Variants in CNTN5 observed in about 807,000 individuals in gnomAD.
The protein encoded by CNTN5 is contactin 5.
CNTN5 carries 77 observed loss-of-function variants against 129.1 expected under a neutral mutation model. The ratio of observed to expected loss-of-function variants is 0.60; its 90% confidence interval spans 0.50 to 0.72. The LOEUF is 0.72. CNTN5 is among the 30% of genes least tolerant of loss of function. The pLI is 0.00. For missense variants in CNTN5, 1,478 were observed against 1,328.8 expected, an observed-to-expected ratio of 1.11 and a Z score of -1.75; for synonymous variants, 509 against 465.6, an observed-to-expected ratio of 1.09 and a Z score of -1.20.
At chr11:100,281,994 CTA>C (rs1483402158) in intron 18 of CNTN5, among the ~76,000 whole-genome samples, 1 of 95,528 alleles carries the variant, frequency 1.0e-5, no homozygotes, top group African/African-American at 4.0e-5. Context: ...TCTTGGCATT[CTA>C]TTTTTTTTTT....
At chr11:100,170,256 G>A (rs190200948) in intron 13 of CNTN5, among the ~76,000 whole-genome samples, 62 of 152,070 alleles carry the variant, frequency 4.1e-4, no homozygotes, top group African/African-American at 1.5e-3. Flanking sequence ...CCAAAAGCTT[G>A]TGACAGTCTG....
chr11:99,312,286 G>C (rs1220216815), intron 1 of CNTN5, among the ~76,000 whole-genome samples: 1 of 151,914 alleles, frequency 6.6e-6, no homozygotes, highest in East Asian at 1.9e-4. Flanking sequence ...TGAAACACCG[G>C]GGTTAAAGAC....
chr11:99,867,652 C>T (rs1477723062), intron 6 of CNTN5, among the ~76,000 whole-genome samples: 2 of 152,114 alleles, frequency 1.3e-5, no homozygotes, highest in Admixed American at 1.3e-4. Flanking sequence ...GACTCTTCTG[C>T]CTCCCCCTTC....
chr11:99,106,715 A>G (rs186113280), intron 1 of CNTN5, among the ~76,000 whole-genome samples: 50 of 152,180 alleles, frequency 3.3e-4, no homozygotes, highest in African/African-American at 1.2e-3. Flanking sequence ...GTAATGTCTT[A>G]TATTGTTGAA....
chr11:99,153,258 T>G (rs1467262778), intron 1 of CNTN5, among the ~76,000 whole-genome samples: 1 of 152,286 alleles, frequency 6.6e-6, no homozygotes, highest in South Asian at 2.1e-4. Flanking sequence ...GTTGCTTTCT[T>G]TCTTCTTTCA....
In CNTN5 at chr11:99,592,576, C is replaced by T. The variant is rs371537876; in HGVS notation, c.55+36307C>T. ...GAAACAGAGGTCAAGAACTGGACAT[C>T]ATGAGTAGAGAAAATTCCCCTTAAA... On this transcript the variant is annotated intron_variant, in intron 3 of 24. Transcript: ENST00000524871. 5.9e-4 allele frequency among the ~76,000 whole-genome samples: 89 copies of T among 151,688 alleles called. 4 individuals are homozygous for T. The South Asian group carries it at 0.018, about 31-fold the overall frequency.
intron 6 of CNTN5, among the ~76,000 whole-genome samples, chr11:99,856,247 C>G (rs1302052924): frequency 2.0e-5 from 3 of 152,176 alleles, no homozygotes; most frequent in African/African-American, 4.8e-5. Flanking sequence ...TAAATTCTAA[C>G]AAGTCATCTT....
intron 9 of CNTN5, among the ~76,000 whole-genome samples, chr11:100,003,637 G>T (rs1387908724): frequency 6.6e-6 from 1 of 152,164 alleles, no homozygotes; most frequent in Non-Finnish European, 1.5e-5. Context: ...TAAGTTAGAT[G>T]TGGTTGCCTT....
intron 1 of CNTN5, among the ~76,000 whole-genome samples, chr11:99,264,793 A>G (rs1302829894): frequency 6.6e-6 from 1 of 152,120 alleles, no homozygotes; most frequent in Non-Finnish European, 1.5e-5. Flanking sequence ...TCCAAGAACA[A>G]TTTCTGCAGT....
chr11:99,074,603 C>T (rs1399052342), intron 1 of CNTN5, among the ~76,000 whole-genome samples: 1 of 152,148 alleles, frequency 6.6e-6, no homozygotes, highest in African/African-American at 2.4e-5. Flanking sequence ...TCCCAAATTG[C>T]TGGGATTACA....
chr11:99,940,629 A>G (rs898750188), intron 7 of CNTN5, among the ~76,000 whole-genome samples: 22 of 152,126 alleles, frequency 1.4e-4, no homozygotes, highest in African/African-American at 2.4e-5. Context: ...TATTGATGAA[A>G]GTATTGGTGT....
chr11:100,201,673 C>T (rs774530565), intron 15 of CNTN5, among the ~76,000 whole-genome samples: 31 of 152,052 alleles, frequency 2.0e-4, no homozygotes, highest in Non-Finnish European at 2.9e-4. Flanking sequence ...TGAGCCTATT[C>T]CAATGAATTG....
At chr11:99,607,784 G>T (rs898881076) in intron 3 of CNTN5, among the ~76,000 whole-genome samples, 12 of 132,752 alleles carry the variant, frequency 9.0e-5, no homozygotes, top group African/African-American at 2.9e-4. Context: ...AAGATGATGA[G>T]TTCATATCCT....
At chr11:99,997,174 C>T (rs1030804551) in intron 8 of CNTN5, among the ~76,000 whole-genome samples, 7 of 151,960 alleles carry the variant, frequency 4.6e-5, no homozygotes, top group Non-Finnish European at 1.0e-4. Context: ...TTTGTTGATC[C>T]TTTCAAAAAA....
chr11:99,446,849 C>A (rs1327401296), intron 2 of CNTN5, among the ~76,000 whole-genome samples: 1 of 152,176 alleles, frequency 6.6e-6, no homozygotes, highest in Non-Finnish European at 1.5e-5. Flanking sequence ...CATTCCCAAC[C>A]TCAGTAATTT....
At chr11:99,769,405 T>C (rs1449142334) in intron 3 of CNTN5, among the ~76,000 whole-genome samples, 1 of 152,164 alleles carries the variant, frequency 6.6e-6, no homozygotes, top group African/African-American at 2.4e-5. Context: ...AGTTACTTTT[T>C]TCTTATTCAT....
chr11:100,164,147 G>T (rs1225862719), intron 13 of CNTN5, among the ~76,000 whole-genome samples: 2 of 151,726 alleles, frequency 1.3e-5, no homozygotes, highest in Admixed American at 6.6e-5. Context: ...TAAATCAAAA[G>T]CTTGAGAGAC....
intron 9 of CNTN5, among the ~76,000 whole-genome samples, chr11:100,019,235 GTTTTCTCCTACA>G (rs1268986774): frequency 6.6e-6 from 1 of 151,794 alleles, no homozygotes; most frequent in Non-Finnish European, 1.5e-5. Flanking sequence ...AGGGCAAAAG[GTTTTCTCCTACA>G]TTTTCTCCTA....
chr11:100,056,849 G>A (rs185842059), intron 9 of CNTN5, among the ~76,000 whole-genome samples: 3 of 151,804 alleles, frequency 2.0e-5, no homozygotes, highest in Non-Finnish European at 4.4e-5. Flanking sequence ...GGATTCCATA[G>A]GAGGTAAACT....
Sources: gnomAD v4.1 joint callset for allele counts (sites outside exome capture counted in the v4.1 genomes callset) on GRCh38, gnomAD v4.1.1 for gene constraint, MANE v1.5 for transcripts, NCBI Gene and HGNC (gene_info 2026-07-23, HGNC 2026-07-21) for gene names.